ADGRL3: variants seen among roughly 807,000 people sequenced by gnomAD.
ADGRL3 encodes adhesion G protein-coupled receptor L3, also known as calcium-independent alpha-latrotoxin receptor 3.
Under a neutral mutation model 153.5 loss-of-function variants are expected in ADGRL3, and 62 were observed. The ratio of observed to expected loss-of-function variants is 0.40; its 90% CI spans 0.33 to 0.50. The LOEUF is 0.50. Ranked by LOEUF, ADGRL3 falls within the 20% of genes least tolerant of loss-of-function variation. The pLI, the probability that ADGRL3 is intolerant of heterozygous loss-of-function variation, is 0.47. For missense variants in ADGRL3, 1,641 were observed against 1,859.4 expected, an observed-to-expected ratio of 0.88 and a Z score of 2.16; for synonymous variants, 710 against 672.5, an observed-to-expected ratio of 1.06 and a Z score of -0.86.
chr4:61,686,353 C>T (rs1480584731), intron 6 of ADGRL3, among the ~76,000 whole-genome samples: 3 of 152,020 alleles, frequency 2.0e-5, no homozygotes, highest in Admixed American at 6.6e-5. Context: ...CCAGATAAAA[C>T]TGTTCTAAAT....
intron 23 of ADGRL3, among the ~76,000 whole-genome samples, chr4:62,035,456 TATACC>T (rs1408839523): frequency 6.6e-6 from 1 of 152,048 alleles, no homozygotes; most frequent in African/African-American, 2.4e-5. Context: ...TAGAAGGAAA[TATACC>T]ATTTTGCTGT....
intron 5 of ADGRL3, among the ~76,000 whole-genome samples, chr4:61,607,044 A>C (rs2099035049): frequency 6.6e-6 from 1 of 152,194 alleles, no homozygotes; most frequent in Non-Finnish European, 1.5e-5. Flanking sequence ...TAGCCTTGCC[A>C]TGAAGAAGAG....
At chr4:61,724,046 T>A (rs1335772282) in intron 6 of ADGRL3, among the ~76,000 whole-genome samples, 1 of 152,172 alleles carries the variant, frequency 6.6e-6, no homozygotes, top group African/African-American at 2.4e-5. Flanking sequence ...GTGTTGAGCA[T>A]AACAGGAGCT....
intron 8 of ADGRL3, among the ~76,000 whole-genome samples, chr4:61,748,218 C>G (rs943359622): frequency 2.0e-5 from 3 of 152,096 alleles, no homozygotes; most frequent in African/African-American, 7.2e-5. Context: ...AGAATACAAT[C>G]AAATGGAAGA....
chr4:61,330,748 C>A (rs1391097329), intron 1 of ADGRL3, among the ~76,000 whole-genome samples: 1 of 152,106 alleles, frequency 6.6e-6, no homozygotes, highest in Non-Finnish European at 1.5e-5. Context: ...AGCAGGTTGC[C>A]CCTGCTGGCT....
intron 1 of ADGRL3, among the ~76,000 whole-genome samples, chr4:61,295,863 CT>C (rs1226151921): frequency 2.0e-5 from 3 of 151,488 alleles, no homozygotes; most frequent in Non-Finnish European, 4.4e-5. Context: ...GTCCTAGCTA[CT>C]TGGGAGGCTG....
Position 62,037,864 on chromosome 4 carries a change from A to G in ADGRL3, c.3717+8A>G, listed in dbSNP as rs758230009. The G allele has an allele frequency of 1.9e-5, 31 of 1,613,462 alleles. No homozygotes were observed. Among genetic ancestry groups the G allele is most frequent in the Non-Finnish European group, 2.5e-5 (29 of 1,179,690 alleles). ...TACTCCACAGGCTCACAGGTAAACA[A>G]TATTTGTTCACTGAAATGAAGTAAT... On this transcript the variant is annotated splice_region_variant and intron_variant, in intron 24 of 26. Transcript: ENST00000683033.
chr4:61,684,718 C>G (rs770832690), intron 6 of ADGRL3, among the ~76,000 whole-genome samples: 2 of 152,040 alleles, frequency 1.3e-5, no homozygotes, highest in Non-Finnish European at 2.9e-5. Flanking sequence ...AACAGGCTAG[C>G]TCTGATTTGG....
chr4:62,038,024 GTAA>G (rs1198491907), intron 24 of ADGRL3, among the ~76,000 whole-genome samples, 168 bp downstream of exon 24: 4 of 152,136 alleles, frequency 2.6e-5, no homozygotes, highest in African/African-American at 7.2e-5. Flanking sequence ...AACTAAAACT[GTAA>G]TAATATGATG....
intron 5 of ADGRL3, among the ~76,000 whole-genome samples, chr4:61,626,918 C>A (rs1187616620): frequency 6.6e-6 from 1 of 151,942 alleles, no homozygotes; most frequent in Non-Finnish European, 1.5e-5. Context: ...AGTTCCTCTC[C>A]GTATTTTAAA....
chr4:61,302,019 ACT>A (rs1380758964), intron 1 of ADGRL3, among the ~76,000 whole-genome samples: 21 of 152,024 alleles, frequency 1.4e-4, no homozygotes, highest in African/African-American at 5.1e-4. Context: ...TGTCTACTTG[ACT>A]CTTACATTAT....
intron 13 of ADGRL3, among the ~76,000 whole-genome samples, chr4:61,918,870 T>C (rs1340017852): frequency 6.6e-6 from 1 of 152,208 alleles, no homozygotes; most frequent in Non-Finnish European, 1.5e-5. Context: ...AAAATTGCTA[T>C]TGCACCTTTG....
chr4:61,655,407 T>G, intron 5 of ADGRL3, among the ~76,000 whole-genome samples: 1 of 152,272 alleles, frequency 6.6e-6, no homozygotes, highest in South Asian at 2.1e-4. Flanking sequence ...TATATAAATT[T>G]TTTCACTAGT....
chr4:61,758,204 T>C (rs968344459), intron 8 of ADGRL3, among the ~76,000 whole-genome samples: 6 of 152,094 alleles, frequency 3.9e-5, no homozygotes, highest in African/African-American at 1.4e-4. Context: ...CCCTGGACAA[T>C]CCCTGGATAT....
chr4:61,813,316 C>T (rs1364159869), intron 8 of ADGRL3, among the ~76,000 whole-genome samples: 11 of 152,110 alleles, frequency 7.2e-5, no homozygotes, highest in Admixed American at 7.2e-4. Flanking sequence ...ACAGCTTGAA[C>T]CCTGGAGGCG....
intron 8 of ADGRL3, among the ~76,000 whole-genome samples, chr4:61,763,510 T>C (rs1419105435): frequency 1.3e-5 from 2 of 152,176 alleles, no homozygotes; most frequent in Non-Finnish European, 2.9e-5. Flanking sequence ...CTGTCATATG[T>C]CAGTATTCTG....
intron 5 of ADGRL3, among the ~76,000 whole-genome samples, chr4:61,631,652 T>C (rs944327802): frequency 3.9e-5 from 6 of 152,206 alleles, no homozygotes; most frequent in Non-Finnish European, 7.3e-5. Flanking sequence ...AGATAGAAAG[T>C]AGTTACCAAA....
intron 1 of ADGRL3, among the ~76,000 whole-genome samples, chr4:61,275,551 A>T (rs920848333): frequency 2.0e-5 from 3 of 152,118 alleles, no homozygotes; most frequent in African/African-American, 7.2e-5. Flanking sequence ...CAGAAATCTC[A>T]GAGTGTCCTG....
intron 5 of ADGRL3, among the ~76,000 whole-genome samples, chr4:61,615,684 GA>G (rs2091921869): frequency 6.6e-6 from 1 of 151,898 alleles, no homozygotes. Context: ...AGAAGGTAAA[GA>G]GACCGCCTTA....
Sources: gnomAD v4.1 joint callset for allele counts (sites outside exome capture counted in the v4.1 genomes callset) on GRCh38, gnomAD v4.1.1 for gene constraint, MANE v1.5 for transcripts, NCBI Gene and HGNC (gene_info 2026-07-23, HGNC 2026-07-21) for gene names.